PBX1: variants seen among roughly 807,000 people sequenced by gnomAD.
PBX1 encodes the protein pre-B-cell leukemia transcription factor 1.
Under a neutral mutation model 53.4 loss-of-function variants are expected in PBX1, and 6 were observed. The ratio of observed to expected loss-of-function variants is 0.11; its 90% CI spans 0.06 to 0.22. PBX1 has a LOEUF of 0.22. PBX1 is among the 10% of genes least tolerant of loss of function. The pLI is 1.00. For synonymous variants in PBX1, 204 were observed against 212.3 expected (o/e 0.96, Z 0.34); for missense variants, 251 against 551.4 (o/e 0.46, Z 5.46).
Position 164,812,013 on chromosome 1 carries a change from G to A in PBX1, c.861G>A (p.Lys287=). The A allele has an allele frequency of 6.2e-7, 1 of 1,613,612 alleles. No homozygotes were observed. Among genetic ancestry groups the A allele is most frequent in the Non-Finnish European group, 8.5e-7 (1 of 1,179,750 alleles). The change falls in exon 6 of 9, where the codon AAG becomes AAA. Residue 287 remains lysine, a synonymous_variant. Transcript: ENST00000420696. ...AGGTATCAAACTGGTTTGGAAATAAGCGAATCCGGTACAAGAAGAACATAG... is the reference window on the plus strand; with the variant it reads ...AGGTATCAAACTGGTTTGGAAATAAACGAATCCGGTACAAGAAGAACATAG... The part of the protein sequence containing the change: ...VSQVSNWFGN[K]RIRYKKNIGK...
intron 2 of PBX1, among the ~76,000 whole-genome samples, chr1:164,615,618 A>G (rs1301205758): frequency 6.6e-6 from 1 of 152,262 alleles, no homozygotes; most frequent in East Asian, 1.9e-4. Context: ...CAGCCGCCGC[A>G]CCGTTGATTG....
At chr1:164,794,579 T>C (rs993172403) in intron 3 of PBX1, among the ~76,000 whole-genome samples, 7 of 152,126 alleles carry the variant, frequency 4.6e-5, no homozygotes, top group African/African-American at 1.2e-4. Context: ...TATAGACATT[T>C]CCCCAGATCC....
chr1:164,872,275 G>A (rs192301246), intron 2 of PBX1, among the ~76,000 whole-genome samples: 11 of 152,272 alleles, frequency 7.2e-5, no homozygotes, highest in East Asian at 3.9e-4. Context: ...CTCCATGTGC[G>A]GACAGCATTC....
intron 2 of PBX1, among the ~76,000 whole-genome samples, chr1:164,760,780 T>G (rs563405978): frequency 1.3e-5 from 2 of 152,304 alleles, no homozygotes; most frequent in African/African-American, 4.8e-5. Context: ...AGTAGGGAGC[T>G]GAGATTTGTC....
intron 2 of PBX1, among the ~76,000 whole-genome samples, chr1:164,640,211 A>G (rs150745954): frequency 1.3e-5 from 2 of 152,244 alleles, no homozygotes; most frequent in East Asian, 3.9e-4. Flanking sequence ...GGGCCCTTGC[A>G]TCTTTTTTGC....
intron 2 of PBX1, among the ~76,000 whole-genome samples, chr1:164,588,772 C>G (rs1655140755): frequency 1.3e-5 from 2 of 152,084 alleles, no homozygotes; most frequent in African/African-American, 2.4e-5. Context: ...GCCCAACAGC[C>G]TTGTTTGAGC....
Position 164,705,788 on chromosome 1 carries a change from C to T in PBX1, c.266-86706C>T, listed in dbSNP as rs568437752. Among the ~76,000 whole-genome samples the T allele has an allele frequency of 1.2e-3, 179 of 152,256 alleles. 1 individual carries two copies. Among genetic ancestry groups the T allele is most frequent in the South Asian group, 2.9e-3 (14 of 4,830 alleles). On this transcript the variant is annotated intron_variant, in intron 2 of 8. Coordinates refer to ENST00000420696, the MANE Select transcript of PBX1 (RefSeq NM_002585.4). ...TTGCCTTTAATTTTCAATTTGTATT[C>T]TAGAATTCCTTAACCTCTTCAGAAG...
At chr1:164,632,794 C>T (rs867633897) in intron 2 of PBX1, among the ~76,000 whole-genome samples, 6 of 152,122 alleles carry the variant, frequency 3.9e-5, no homozygotes, top group Admixed American at 1.3e-4. Flanking sequence ...CTCATTGGTG[C>T]TCTCCACAAG....
chr1:164,598,214 A>C (rs1367475546), intron 2 of PBX1, among the ~76,000 whole-genome samples: 1 of 152,084 alleles, frequency 6.6e-6, no homozygotes, highest in Non-Finnish European at 1.5e-5. Flanking sequence ...CCAACACATG[A>C]ATTTTTGGGA....
intron 2 of PBX1, among the ~76,000 whole-genome samples, chr1:164,664,113 T>C (rs1039337551): frequency 1.3e-5 from 2 of 152,256 alleles, no homozygotes; most frequent in Non-Finnish European, 2.9e-5. Flanking sequence ...AGTGTCTGTC[T>C]GTTCAAGAGA....
chr1:164,754,259 T>G (rs907421811), intron 2 of PBX1, among the ~76,000 whole-genome samples: 3 of 152,058 alleles, frequency 2.0e-5, no homozygotes, highest in Non-Finnish European at 2.9e-5. Flanking sequence ...CACTTTAGAG[T>G]GTTTCTTTTC....
chr1:164,721,701 C>G (rs1393750796), intron 2 of PBX1, among the ~76,000 whole-genome samples: 1 of 152,162 alleles, frequency 6.6e-6, no homozygotes, highest in East Asian at 1.9e-4. Context: ...TATTTAGTGT[C>G]TCATTAACAG....
chr1:164,822,908 A>G (rs1285632705), intron 8 of PBX1, among the ~76,000 whole-genome samples: 1 of 152,202 alleles, frequency 6.6e-6, no homozygotes, highest in Non-Finnish European at 1.5e-5. Flanking sequence ...GTTCCCCATC[A>G]TTGGAAAATT....
At chr1:164,733,799 TAA>T (rs1320564818) in intron 2 of PBX1, among the ~76,000 whole-genome samples, 1 of 152,238 alleles carries the variant, frequency 6.6e-6, no homozygotes, top group Admixed American at 6.5e-5. Context: ...GAATTAATTA[TAA>T]GATTTTTTCT....
chr1:164,628,266 C>T (rs1384624545), intron 2 of PBX1, among the ~76,000 whole-genome samples: 4 of 152,182 alleles, frequency 2.6e-5, no homozygotes, highest in Non-Finnish European at 5.9e-5. Flanking sequence ...AATCAGTTTA[C>T]AACTGATACT....
At chr1:164,764,770 G>A (rs561531043) in intron 2 of PBX1, among the ~76,000 whole-genome samples, 18 of 152,204 alleles carry the variant, frequency 1.2e-4, no homozygotes, top group South Asian at 2.1e-4. Context: ...CTTGAAATGC[G>A]TAGGTTTCTT....
intron 2 of PBX1, among the ~76,000 whole-genome samples, chr1:164,647,604 A>G (rs1399707196): frequency 2.6e-5 from 4 of 152,252 alleles, no homozygotes; most frequent in African/African-American, 7.2e-5. Flanking sequence ...CGGCAATAAA[A>G]ATCATCATAA....
chr1:164,688,993 C>A (rs954628293), intron 2 of PBX1, among the ~76,000 whole-genome samples: 1 of 152,240 alleles, frequency 6.6e-6, no homozygotes, highest in Non-Finnish European at 1.5e-5. Flanking sequence ...GGTGGCGTCG[C>A]GCCTCCCCTT....
chr1:164,614,336 G>C (rs2800785), intron 2 of PBX1, among the ~76,000 whole-genome samples: 46,249 of 152,094 alleles, frequency 0.3, 7,679 homozygotes, highest in Non-Finnish European at 0.37. Flanking sequence ...TTGGGAGCCA[G>C]ATTTTAGGAT....
Sources: allele counts gnomAD v4.1 joint callset (sites outside exome capture counted in the v4.1 genomes callset), GRCh38; gene constraint gnomAD v4.1.1; transcripts MANE v1.5; gene names NCBI Gene and HGNC (gene_info 2026-07-23, HGNC 2026-07-21).